Variants in ATP2C1 observed in about 807,000 individuals in gnomAD.
ATP2C1 encodes the protein calcium-transporting ATPase type 2C member 1.
ATP2C1 carries 31 observed loss-of-function variants against 120.5 expected under a neutral mutation model. That is an observed-to-expected ratio of 0.26 (90% CI 0.19 to 0.35). ATP2C1 has a LOEUF of 0.35. ATP2C1 is among the 10% of genes least tolerant of loss of function. ATP2C1 has a pLI of 1.00. For missense variants in ATP2C1, 731 were observed against 1,107.5 expected (o/e 0.66, Z 4.83); for synonymous variants, 351 against 358.7 (o/e 0.98, Z 0.24).
At chr3:130,967,083 G>A in intron 14 of ATP2C1, 62 bp from the exon 15 acceptor site, 1 of 1,272,194 alleles carries the variant, frequency 7.9e-7, no homozygotes, top group Non-Finnish European at 1.2e-6. Context: ...GGGTTTTATA[G>A]GTCTTGTCAC....
At position 130,896,320 on chromosome 3, in the gene ATP2C1, G is replaced by T. The variant is rs73200249; in HGVS notation, c.6+1545G>T. ...GGGGGTGGTTGTGAGATAGGAGAAT[G>T]GTGCCTACTTGTGTCTGTCTCTGTA... On this transcript the variant is annotated intron_variant, in intron 2 of 27. Coordinates refer to ENST00000510168, the MANE Select transcript of ATP2C1 (RefSeq NM_001378687.1). Among the ~76,000 whole-genome samples the T allele has an allele frequency of 4.3e-3, 657 of 152,212 alleles. 2 individuals are homozygous for T. Among genetic ancestry groups the T allele is most frequent in the Middle Eastern group, 0.01 (3 of 294 alleles).
downstream of ATP2C1, among the ~76,000 whole-genome samples, chr3:131,006,566 C>CT (rs2063119267): frequency 6.6e-6 from 1 of 151,940 alleles, no homozygotes; most frequent in South Asian, 2.1e-4. Context: ...AGAATCAGAG[C>CT]TTTTACCTCT....
intron 10 of ATP2C1, chr3:130,955,746 A>G (rs2060553195): frequency 4.2e-6 from 1 of 240,062 alleles, no homozygotes; most frequent in African/African-American, 2.3e-5. Context: ...GTTTGTGGAT[A>G]CCAAAAGGGA....
intron 5 of ATP2C1, 145 bp downstream of exon 5, chr3:130,934,856 C>T: frequency 1.5e-6 from 1 of 672,730 alleles, no homozygotes; most frequent in Non-Finnish European, 2.6e-6. Context: ...TTTGTTGCGA[C>T]AGTTTCTTGT....
intron 3 of ATP2C1, among the ~76,000 whole-genome samples, 153 bp from the exon 4 acceptor site, chr3:130,931,869 C>T (rs2059464898): frequency 6.6e-6 from 1 of 152,082 alleles, no homozygotes; most frequent in Non-Finnish European, 1.5e-5. Flanking sequence ...CACTTCTGGT[C>T]CCAGGCAACC....
intron 27 of ATP2C1, 76 bp from the exon 28 acceptor site, chr3:131,001,144 A>T: frequency 2.8e-6 from 3 of 1,059,894 alleles, no homozygotes; most frequent in Non-Finnish European, 4.2e-6. Flanking sequence ...TTAAAATGCT[A>T]GAAAAATGTA....
intron 2 of ATP2C1, among the ~76,000 whole-genome samples, chr3:130,914,820 A>G (rs1200944869): frequency 6.6e-6 from 1 of 152,226 alleles, no homozygotes; most frequent in Non-Finnish European, 1.5e-5. Context: ...ACCCCATAAC[A>G]TACCTTGAAC....
intron 1 of ATP2C1, among the ~76,000 whole-genome samples, chr3:130,872,118 T>C (rs17329848): frequency 0.1 from 15,268 of 152,164 alleles, 873 homozygotes; most frequent in Non-Finnish European, 0.13. Flanking sequence ...CGATAGCTGA[T>C]TAAAGTGATG....
At chr3:130,931,453 T>C (rs916365616) in intron 3 of ATP2C1, among the ~76,000 whole-genome samples, 1 of 152,070 alleles carries the variant, frequency 6.6e-6, no homozygotes, top group African/African-American at 2.4e-5. Flanking sequence ...GAGTATAAAT[T>C]AATACCAACC....
At chr3:131,008,988 G>A (rs1320768333) in intron 26 of ATP2C1, among the ~76,000 whole-genome samples, 2 of 152,134 alleles carry the variant, frequency 1.3e-5, no homozygotes, top group African/African-American at 4.8e-5. Flanking sequence ...CATCTGAATT[G>A]TGCTTCCCAT....
intron 6 of ATP2C1, among the ~76,000 whole-genome samples, chr3:130,939,447 A>G (rs2108432401): frequency 6.6e-6 from 1 of 152,304 alleles, no homozygotes; most frequent in Middle Eastern, 3.4e-3. Flanking sequence ...AATTTGAAAA[A>G]TGACTTTTAG....
Position 130,967,011 on chromosome 3 carries a change from C to T in ATP2C1, c.1123-134C>T, listed in dbSNP as rs564416000. 3 of 744,090 alleles carry T rather than the reference C, an allele frequency of 4.0e-6. No individual in the cohort carries two copies. In the Admixed American group the frequency reaches 6.0e-5, roughly 15 times the overall value. 46.1% of individuals were successfully genotyped at this position (744,090 alleles called of 1,614,324 possible). The stretch of plus-strand genomic sequence containing the variant: ...TTTAAAGACAAATTTTAATGCTTTT[C>T]TAGGTGAACACTTTTAACAGTGTCA... On this transcript the variant is annotated intron_variant, in intron 14 of 27. Transcript: ENST00000510168.
At chr3:130,973,282 G>T (rs2061409904) in intron 17 of ATP2C1, among the ~76,000 whole-genome samples, 1 of 152,140 alleles carries the variant, frequency 6.6e-6, no homozygotes, top group African/African-American at 2.4e-5. Flanking sequence ...AGAGTGGGGT[G>T]AGGGATAAAC....
At chr3:130,854,244 G>A (rs188757987) in intron 1 of ATP2C1, 28 of 152,308 alleles carry the variant, frequency 1.8e-4, no homozygotes, top group African/African-American at 6.7e-4. Flanking sequence ...AAGATTAACA[G>A]CATTAATGAG....
upstream of ATP2C1, among the ~76,000 whole-genome samples, chr3:130,893,068 C>T (rs1482610122): frequency 6.6e-6 from 1 of 152,098 alleles, no homozygotes; most frequent in East Asian, 1.9e-4. Flanking sequence ...TAGGTGAAGC[C>T]CTGCCCTCTA....
chr3:130,952,581 T>C (rs925996474), intron 8 of ATP2C1, among the ~76,000 whole-genome samples: 3 of 152,194 alleles, frequency 2.0e-5, no homozygotes, highest in African/African-American at 7.2e-5. Context: ...TTGAGAATAC[T>C]GACTCAGCCT....
intron 20 of ATP2C1, among the ~76,000 whole-genome samples, chr3:130,983,989 G>A (rs943634076): frequency 6.6e-6 from 1 of 152,130 alleles, no homozygotes; most frequent in Non-Finnish European, 1.5e-5. Flanking sequence ...AGGTTTTTGC[G>A]TAGACATAAG....
intron 2 of ATP2C1, chr3:130,918,399 C>T (rs2058783182): frequency 1.6e-6 from 2 of 1,232,954 alleles, no homozygotes; most frequent in Admixed American, 1.7e-5. Flanking sequence ...CTTTCCAGCT[C>T]CAGTTACCTT....
Position 131,002,915 on chromosome 3 carries a change from G to A in ATP2C1, c.*1565G>A, listed in dbSNP as rs1041415194. ...TGTCAAATGTACATTGTTCCATGTCGTTAGATGGAACATGGAAGCCATTGT... is the reference window on the plus strand; with the variant it reads ...TGTCAAATGTACATTGTTCCATGTCATTAGATGGAACATGGAAGCCATTGT... On this transcript the variant is annotated 3_prime_UTR_variant, in exon 28 of 28. Transcript: ENST00000510168. The A allele has an allele frequency of 9.1e-6, 9 of 985,504 alleles. No homozygotes were observed. Among genetic ancestry groups the A allele is most frequent in the African/African-American group, 1.7e-5 (1 of 57,180 alleles). 61.0% of individuals were successfully genotyped at this position (985,504 alleles called of 1,614,324 possible).
Sources: allele counts gnomAD v4.1 joint callset (sites outside exome capture counted in the v4.1 genomes callset), GRCh38; gene constraint gnomAD v4.1.1; transcripts MANE v1.5; gene names NCBI Gene and HGNC (gene_info 2026-07-23, HGNC 2026-07-21).